Variants in HDAC4 observed in about 807,000 individuals in gnomAD.
HDAC4 encodes histone deacetylase A.
Under a neutral mutation model 135.1 loss-of-function variants are expected in HDAC4, and 16 were observed. The ratio of observed to expected loss-of-function variants is 0.12; its 90% confidence interval spans 0.08 to 0.18. The LOEUF (loss-of-function observed/expected upper bound fraction) is 0.18. Ranked by LOEUF, HDAC4 falls within the 10% of genes least tolerant of loss-of-function variation. The pLI, the probability that HDAC4 is intolerant of heterozygous loss-of-function variation, is 1.00. For missense variants in HDAC4, 1,143 were observed against 1,511.8 expected (o/e 0.76, Z 4.05); for synonymous variants, 685 against 653.4 (o/e 1.05, Z -0.74).
intron 1 of HDAC4, among the ~76,000 whole-genome samples, chr2:239,399,925 T>C (rs1474692998): frequency 6.6e-6 from 1 of 152,254 alleles, no homozygotes; most frequent in Non-Finnish European, 1.5e-5. Context: ...AAAACACTCA[T>C]ATCAGCTGCC....
intron 2 of HDAC4, among the ~76,000 whole-genome samples, chr2:239,342,706 G>T (rs574477383): frequency 2.0e-5 from 3 of 152,190 alleles, no homozygotes; most frequent in Non-Finnish European, 4.4e-5. Context: ...AGGCAGCAAG[G>T]GGACACTGGG....
chr2:239,173,396 C>CA (rs1415986703), intron 5 of HDAC4, among the ~76,000 whole-genome samples: 7 of 152,000 alleles, frequency 4.6e-5, no homozygotes, highest in Admixed American at 1.3e-4. Flanking sequence ...CACATAAAGC[C>CA]AAAAAATCAT....
Position 239,089,596 on chromosome 2 carries a change from G to A in HDAC4, c.2388+413C>T, listed in dbSNP as rs186138899. 5.6e-3 allele frequency: 913 copies of A among 164,252 alleles called. 9 individuals carry two copies. The highest frequency in any genetic ancestry group is 0.02 in the African/African-American group (847 of 41,656). 10.2% of individuals were successfully genotyped at this position (164,252 alleles called of 1,614,324 possible). A position where few individuals can be genotyped will look rare whatever the true frequency, so the allele number is the denominator to read the frequency against. ...CCTGCCTTGGCCTCCCAAAGTGCTGGGATTACAGGTGTGAGCCACTGTGCC... is the reference window on the plus strand; with the variant it reads ...CCTGCCTTGGCCTCCCAAAGTGCTGAGATTACAGGTGTGAGCCACTGTGCC... On this transcript the variant is annotated intron_variant, in intron 18 of 26. Transcript: ENST00000543185.
At chr2:239,066,953 C>G in intron 23 of HDAC4, 98 bp from the exon 24 acceptor site, 1 of 1,476,124 alleles carries the variant, frequency 6.8e-7, no homozygotes. Context: ...AGACTGGGGG[C>G]TGGGGTGTCG....
In HDAC4 at chr2:239,299,356, C is replaced by T. The variant is rs1353347493; in HGVS notation, c.22+53322G>A. ...AAGTAGAGATATTTAAGTACAGGGA[C>T]AGAGCGTGGTGCAATGATCAGGACG... is the stretch of plus-strand genomic sequence containing the variant. On this transcript the variant is annotated intron_variant, in intron 2 of 26. Transcript: ENST00000543185. This position sits in a 1 kb window ranked among gnomAD's most constrained non-coding sequence, Gnocchi z 4.0. 6.6e-6 allele frequency among the ~76,000 whole-genome samples: 1 copy of T among 152,138 alleles called. No homozygotes were observed. The highest frequency in any genetic ancestry group is 1.9e-4 in the East Asian group (1 of 5,184).
intron 14 of HDAC4, among the ~76,000 whole-genome samples, chr2:239,110,019 G>A (rs776890180): frequency 1.2e-4 from 19 of 152,216 alleles, no homozygotes; most frequent in Middle Eastern, 3.2e-3. Context: ...CTAAAGGAAC[G>A]CACTGCGTCG....
intron 12 of HDAC4, among the ~76,000 whole-genome samples, chr2:239,118,212 C>T (rs1197039614): frequency 6.7e-6 from 1 of 150,332 alleles, no homozygotes; most frequent in Non-Finnish European, 1.5e-5. Flanking sequence ...GATTGATCAT[C>T]CCTTAACTTT....
intron 22 of HDAC4, among the ~76,000 whole-genome samples, chr2:239,074,097 C>T (rs906023408): frequency 1.4e-5 from 2 of 147,816 alleles, no homozygotes; most frequent in South Asian, 2.2e-4. Flanking sequence ...TGAGGGGGGC[C>T]GCAGGACTGA....
At chr2:239,136,432 A>G (rs1017193919) in intron 9 of HDAC4, among the ~76,000 whole-genome samples, 9 of 152,178 alleles carry the variant, frequency 5.9e-5, no homozygotes, top group African/African-American at 1.9e-4. Context: ...TTCTCTGTCT[A>G]TTCATCCACT....
chr2:239,240,529 G>A lies in HDAC4; in HGVS notation c.23-3865C>T, dbSNP rs1039674293. 6.6e-6 allele frequency among the ~76,000 whole-genome samples: 1 copy of A among 152,156 alleles called. No homozygotes were observed. Among genetic ancestry groups the A allele is most frequent in the Non-Finnish European group, 1.5e-5 (1 of 68,026 alleles). ...GAAAATAATGAAGATGGGAAGCAAA[G>A]TACCACTTCCTCATCACACGCCTGC... On this transcript the variant is annotated intron_variant, in intron 2 of 26. Coordinates refer to ENST00000543185, the MANE Select transcript of HDAC4 (RefSeq NM_001378414.1). This position sits in a 1 kb window ranked among gnomAD's most constrained non-coding sequence, Gnocchi z 4.5.
intron 2 of HDAC4, among the ~76,000 whole-genome samples, chr2:239,284,123 A>AC (rs765874542): frequency 2.0e-5 from 3 of 152,172 alleles, no homozygotes; most frequent in Admixed American, 6.5e-5. Flanking sequence ...CATGACACTC[A>AC]CCTGCTGCCC....
intron 2 of HDAC4, among the ~76,000 whole-genome samples, chr2:239,267,927 A>G (rs2125190487): frequency 6.6e-6 from 1 of 152,404 alleles, no homozygotes; most frequent in South Asian, 2.1e-4. Flanking sequence ...GTCTCGTCTA[A>G]GAATGAGTGC....
At position 239,270,339 on chromosome 2, in the gene HDAC4, T is replaced by C. The variant is rs562615705; in HGVS notation, c.23-33675A>G. On this transcript the variant is annotated intron_variant, in intron 2 of 26. Transcript: ENST00000543185. ...AGAACTCGCTGTGGCCTCAATGGGA[T>C]GCTCATTAGCTGCCCCCCGATGTAT... Among the ~76,000 whole-genome samples, 5 of 152,282 alleles carry C rather than the reference T, an allele frequency of 3.3e-5. No homozygotes were observed. The South Asian group carries it at 1.0e-3, about 32-fold the overall frequency.
chr2:239,271,706 C>T (rs1035825774), intron 2 of HDAC4, among the ~76,000 whole-genome samples: 3 of 152,192 alleles, frequency 2.0e-5, no homozygotes, highest in Admixed American at 6.5e-5. Flanking sequence ...TTCTGGACCC[C>T]GAAGACAGGT....
intron 13 of HDAC4, among the ~76,000 whole-genome samples, chr2:239,114,603 T>G (rs570983318): frequency 6.6e-6 from 1 of 152,360 alleles, no homozygotes; most frequent in African/African-American, 2.4e-5. Flanking sequence ...CGCACCCGTC[T>G]GTCTGGATCT....
intron 3 of HDAC4, among the ~76,000 whole-genome samples, chr2:239,211,403 C>T (rs1036827650): frequency 5.9e-5 from 9 of 152,146 alleles, no homozygotes; most frequent in Admixed American, 2.6e-4. Flanking sequence ...TGGTTGCTAA[C>T]GGTGATGGTC....
intron 17 of HDAC4, among the ~76,000 whole-genome samples, chr2:239,090,896 C>T (rs983301644): frequency 1.3e-5 from 2 of 152,222 alleles, no homozygotes; most frequent in African/African-American, 4.8e-5. Context: ...CACGACCAGT[C>T]TCTTCCAATA....
intron 3 of HDAC4, among the ~76,000 whole-genome samples, chr2:239,193,126 C>G (rs979095094): frequency 6.6e-6 from 1 of 152,174 alleles, no homozygotes; most frequent in Non-Finnish European, 1.5e-5. Flanking sequence ...GTGTGGGGGG[C>G]CTGGGTGGGA....
intron 6 of HDAC4, among the ~76,000 whole-genome samples, chr2:239,158,903 C>A (rs375366591): frequency 3.3e-5 from 5 of 152,162 alleles, no homozygotes; most frequent in African/African-American, 1.2e-4. Flanking sequence ...CCGCACCGCA[C>A]ACAATTACTC....
Sources: allele counts gnomAD v4.1 joint callset (sites outside exome capture counted in the v4.1 genomes callset), GRCh38; gene constraint gnomAD v4.1.1; non-coding constraint Gnocchi (gnomAD v3.1); transcripts MANE v1.5; gene names NCBI Gene and HGNC (gene_info 2026-07-23, HGNC 2026-07-21).